Variants in BANK1 observed in about 807,000 individuals in gnomAD.
BANK1 encodes the protein B cell scaffold protein with ankyrin repeats 1.
BANK1 carries 95 observed loss-of-function variants against 94.5 expected under a neutral mutation model. The ratio of observed to expected loss-of-function variants is 1.00; its 90% CI spans 0.85 to 1.19. BANK1 has a LOEUF of 1.19. Ranked by LOEUF, BANK1 falls within the 50% of genes most tolerant of loss-of-function variation. The pLI, the probability that BANK1 is intolerant of heterozygous loss-of-function variation, is 0.00. For synonymous variants in BANK1, 334 were observed against 308.4 expected (o/e 1.08, Z -0.87); for missense variants, 987 against 932.2 (o/e 1.06, Z -0.77).
intron 7 of BANK1, among the ~76,000 whole-genome samples, chr4:101,948,827 A>G (rs1354196548): frequency 1.3e-5 from 2 of 152,138 alleles, no homozygotes; most frequent in Non-Finnish European, 2.9e-5. Flanking sequence ...TGCTGAACAG[A>G]GCTTTGCCAT....
chr4:101,972,885 T>G lies in BANK1; in HGVS notation c.1207-48629T>G, dbSNP rs546257017. 4.6e-5 allele frequency: 7 copies of G among 152,262 alleles called. No individual in the cohort carries two copies. The South Asian group carries it at 1.2e-3, about 27-fold the overall frequency. The allele number at this position is 152,262 out of a possible 1,614,324, so 9.4% of individuals were successfully genotyped here. ...GTGACAAATAATTCTGTGTTTTGTT[T>G]GTTGTAAGGTAACAGAAATAAGCCA... On this transcript the variant is annotated intron_variant, in intron 7 of 16. Coordinates refer to ENST00000322953, the MANE Select transcript of BANK1 (RefSeq NM_017935.5).
intron 7 of BANK1, among the ~76,000 whole-genome samples, chr4:101,986,878 T>C: frequency 1.1e-5 from 1 of 88,404 alleles, no homozygotes; most frequent in South Asian, 4.4e-4. Context: ...TGTGTATGTG[T>C]GTGTGTGTGT....
At chr4:102,065,818 A>ATT (rs1728573118) in intron 13 of BANK1, among the ~76,000 whole-genome samples, 1 of 152,148 alleles carries the variant, frequency 6.6e-6, no homozygotes. Flanking sequence ...GAGATGACAA[A>ATT]TTAAGAGTTA....
At chr4:101,805,908 T>C (rs527332443) in intron 1 of BANK1, among the ~76,000 whole-genome samples, 5 of 152,078 alleles carry the variant, frequency 3.3e-5, no homozygotes, top group African/African-American at 4.8e-5. Context: ...ACTTTTAATC[T>C]GATAACAAGT....
intron 1 of BANK1, among the ~76,000 whole-genome samples, chr4:101,798,383 C>G (rs1485765979): frequency 6.6e-6 from 1 of 152,160 alleles, no homozygotes; most frequent in African/African-American, 2.4e-5. Context: ...TGGCGTCACA[C>G]CAAAGGGGGG....
intron 5 of BANK1, among the ~76,000 whole-genome samples, chr4:101,895,073 C>A (rs1722014862): frequency 6.6e-6 from 1 of 151,528 alleles, no homozygotes; most frequent in Admixed American, 6.6e-5. Flanking sequence ...GTTATAGTTT[C>A]TTATCCAAAA....
At chr4:101,804,240 A>G (rs1725473330) in intron 1 of BANK1, among the ~76,000 whole-genome samples, 1 of 152,112 alleles carries the variant, frequency 6.6e-6, no homozygotes, top group African/African-American at 2.4e-5. Context: ...TTAAATCATA[A>G]CTGCATAAAA....
chr4:102,069,066 T>C (rs576954504), intron 13 of BANK1, among the ~76,000 whole-genome samples: 2 of 152,228 alleles, frequency 1.3e-5, no homozygotes, highest in South Asian at 4.1e-4. Flanking sequence ...CAAAATGGAA[T>C]ATAAGCAAAA....
intron 1 of BANK1, among the ~76,000 whole-genome samples, chr4:101,796,582 GC>G (rs1191875570): frequency 6.6e-6 from 1 of 152,082 alleles, no homozygotes; most frequent in Non-Finnish European, 1.5e-5. Context: ...GAAAGTCCAT[GC>G]ATTTATTTTT....
rs564930288 is a variant in BANK1 at position 102,069,591 on chromosome 4, A to C, written c.2213-1684A>C. Among the ~76,000 whole-genome samples, 3 of 152,336 alleles carry C rather than the reference A, an allele frequency of 2.0e-5. No homozygotes were observed. In the East Asian group the frequency reaches 5.8e-4, roughly 29 times the overall value. On this transcript the variant is annotated intron_variant, in intron 13 of 16. Transcript: ENST00000322953. ...CCATATGACCTAGTCATTCCATTCCAGGTTTTTTTCCAAGACAGATAAATG... is the reference window on the plus strand; with the variant it reads ...CCATATGACCTAGTCATTCCATTCCCGGTTTTTTTCCAAGACAGATAAATG...
At chr4:101,941,216 C>G (rs375814448) in intron 7 of BANK1, among the ~76,000 whole-genome samples, 11 of 151,350 alleles carry the variant, frequency 7.3e-5, no homozygotes, top group African/African-American at 2.7e-4. Context: ...TGTGGTGGGG[C>G]GGGGGTGGAG....
chr4:101,807,686 C>T (rs1725603440), intron 1 of BANK1, among the ~76,000 whole-genome samples: 2 of 152,088 alleles, frequency 1.3e-5, no homozygotes, highest in Non-Finnish European at 2.9e-5. Flanking sequence ...ACACTGATTC[C>T]ATAGGTGGTG....
intron 2 of BANK1, among the ~76,000 whole-genome samples, chr4:101,837,242 A>G (rs925955401): frequency 5.9e-5 from 9 of 152,202 alleles, no homozygotes; most frequent in African/African-American, 2.2e-4. Flanking sequence ...TTTAGGACTA[A>G]GACCGGTACA....
chr4:101,800,096 G>A (rs571405066), intron 1 of BANK1, among the ~76,000 whole-genome samples: 10 of 127,868 alleles, frequency 7.8e-5, no homozygotes, highest in African/African-American at 3.0e-4. Flanking sequence ...ATACTTGGAC[G>A]CAGGATGCGG....
chr4:101,887,106 A>C (rs1037419941), intron 5 of BANK1, among the ~76,000 whole-genome samples: 3 of 152,176 alleles, frequency 2.0e-5, no homozygotes, highest in Non-Finnish European at 4.4e-5. Flanking sequence ...TCTCTCCCTC[A>C]CTGGCTTTTT....
intron 7 of BANK1, among the ~76,000 whole-genome samples, chr4:101,998,087 C>T (rs1310550757): frequency 6.6e-6 from 1 of 152,032 alleles, no homozygotes; most frequent in African/African-American, 2.4e-5. Flanking sequence ...CACTGCTTTA[C>T]TTGTTTCCCA....
At position 101,839,936 on chromosome 4, in the gene BANK1, A is replaced by ATTTATTT. The variant is rs1305309687; in HGVS notation, c.469+9730_469+9731insTTTATTT. Among the ~76,000 whole-genome samples, 60 of 78,970 alleles carry ATTTATTT rather than the reference A, an allele frequency of 7.6e-4. 3 individuals carry two copies. The highest frequency in any genetic ancestry group is 2.4e-3 in the African/African-American group (52 of 21,704). The allele number at this position is 78,970 out of a possible 152,430, so 51.8% of individuals were successfully genotyped here. On this transcript the variant is annotated intron_variant, in intron 2 of 16. Coordinates refer to ENST00000322953, the MANE Select transcript of BANK1 (RefSeq NM_017935.5). ...AGCTACTATATAATTTCAAATATTT[A>ATTTATTT]ATTTTTTTTTTTTTTTTTTTTTTTT... is the stretch of plus-strand genomic sequence containing the variant.
intron 13 of BANK1, among the ~76,000 whole-genome samples, chr4:102,064,922 G>T (rs1391618444): frequency 6.6e-6 from 1 of 152,214 alleles, no homozygotes; most frequent in East Asian, 1.9e-4. Context: ...TATGTGTGGT[G>T]GGTCTCTGAG....
chr4:101,851,540 T>G (rs547660739), intron 2 of BANK1, among the ~76,000 whole-genome samples: 1 of 152,010 alleles, frequency 6.6e-6, no homozygotes, highest in South Asian at 2.1e-4. Context: ...GGAGATAGAG[T>G]AGAAGGAGAG....
Sources: gnomAD v4.1 joint callset for allele counts (sites outside exome capture counted in the v4.1 genomes callset) on GRCh38, gnomAD v4.1.1 for gene constraint, MANE v1.5 for transcripts, NCBI Gene and HGNC (gene_info 2026-07-23, HGNC 2026-07-21) for gene names.